PARD3B: variants seen among roughly 807,000 people sequenced by gnomAD.
PARD3B encodes the protein par-3 family cell polarity regulator beta.
A neutral mutation model predicts 130.2 loss-of-function variants in PARD3B; 103 were observed. That is an observed-to-expected ratio of 0.79 (90% CI 0.67 to 0.93). The LOEUF is 0.93. PARD3B is among the 40% of genes least tolerant of loss of function. The pLI, the probability that PARD3B is intolerant of heterozygous loss-of-function variation, is 0.00. For missense variants in PARD3B, 1,609 were observed against 1,499.2 expected, an observed-to-expected ratio of 1.07 and a Z score of -1.21; for synonymous variants, 583 against 553.2, an observed-to-expected ratio of 1.05 and a Z score of -0.76.
intron 18 of PARD3B, among the ~76,000 whole-genome samples, chr2:205,303,399 C>A (rs906949070): frequency 2.0e-5 from 3 of 152,138 alleles, no homozygotes; most frequent in African/African-American, 4.8e-5. Context: ...TCCCACTGAC[C>A]TATTTCCCTA....
At chr2:205,531,047 T>C (rs985915794) in intron 21 of PARD3B, among the ~76,000 whole-genome samples, 1 of 152,200 alleles carries the variant, frequency 6.6e-6, no homozygotes, top group Non-Finnish European at 1.5e-5. Context: ...CTAAACGTGA[T>C]TGCTGTGGAA....
chr2:204,685,223 A>G (rs2037018936), intron 1 of PARD3B, among the ~76,000 whole-genome samples: 2 of 152,142 alleles, frequency 1.3e-5, no homozygotes, highest in Admixed American at 6.6e-5. Context: ...ACAAACTGGT[A>G]TCTGTTCGTT....
chr2:204,930,485 G>T (rs1687951106), intron 2 of PARD3B, among the ~76,000 whole-genome samples: 1 of 151,926 alleles, frequency 6.6e-6, no homozygotes, highest in Non-Finnish European at 1.5e-5. Context: ...GCAATTGGTT[G>T]AATTGATGCA....
chr2:204,785,761 T>C (rs2041986087), intron 2 of PARD3B, among the ~76,000 whole-genome samples: 1 of 152,182 alleles, frequency 6.6e-6, no homozygotes, highest in African/African-American at 2.4e-5. Context: ...TTTACCTTTT[T>C]CCCCCATATT....
At chr2:205,347,057 A>G (rs932538308) in intron 18 of PARD3B, among the ~76,000 whole-genome samples, 3 of 152,128 alleles carry the variant, frequency 2.0e-5, no homozygotes, top group Non-Finnish European at 4.4e-5. Context: ...ATTAAATTTC[A>G]TATTCCTTAT....
At position 205,550,852 on chromosome 2, in the gene PARD3B, A is replaced by G. The variant is rs1417681954; in HGVS notation, c.3181-2472A>G. 1.4e-5 allele frequency among the ~76,000 whole-genome samples: 2 copies of G among 147,456 alleles called. No individual in the cohort carries two copies. The highest frequency in any genetic ancestry group is 3.0e-5 in the Non-Finnish European group (2 of 66,846). On this transcript the variant is annotated intron_variant, in intron 21 of 22. Coordinates refer to ENST00000406610, the MANE Select transcript of PARD3B (RefSeq NM_001302769.2). The surrounding 1 kb of genome is among the most constrained non-coding windows in gnomAD (Gnocchi z 4.5). ...TTTTATGTATATTTGAATATTTTAT[A>G]TGTATATTTGTATGTATATATGTAT...
At chr2:205,323,051 C>T (rs1380570165) in intron 18 of PARD3B, among the ~76,000 whole-genome samples, 2 of 151,184 alleles carry the variant, frequency 1.3e-5, no homozygotes, top group African/African-American at 2.4e-5. Flanking sequence ...GCTGGGACTA[C>T]AGGCGCCCAC....
At chr2:204,690,977 A>G (rs1417612573) in intron 2 of PARD3B, among the ~76,000 whole-genome samples, 2 of 152,118 alleles carry the variant, frequency 1.3e-5, no homozygotes, top group Non-Finnish European at 2.9e-5. Context: ...ATCTTTAAAT[A>G]TCTAATTATG....
Position 204,921,686 on chromosome 2 carries a change from G to A in PARD3B, c.223-43466G>A, listed in dbSNP as rs557165441. 3.3e-5 allele frequency among the ~76,000 whole-genome samples: 5 copies of A among 152,212 alleles called. No individual in the cohort carries two copies. In the South Asian group the frequency reaches 1.0e-3, roughly 32 times the overall value. ...AGAGGTCCTTATTTTATAGACAAGA[G>A]GGAATCTTTTTCTGTTATTGTTGGA... On this transcript the variant is annotated intron_variant, in intron 2 of 22. Coordinates refer to ENST00000406610, the MANE Select transcript of PARD3B (RefSeq NM_001302769.2).
At chr2:205,356,762 G>A (rs1444196910) in intron 18 of PARD3B, among the ~76,000 whole-genome samples, 1 of 151,720 alleles carries the variant, frequency 6.6e-6, no homozygotes, top group Non-Finnish European at 1.5e-5. Flanking sequence ...GTGGTAGCAG[G>A]CACCTGTAAT....
intron 1 of PARD3B, among the ~76,000 whole-genome samples, chr2:204,595,005 A>G (rs2033225349): frequency 6.6e-6 from 1 of 152,170 alleles, no homozygotes; most frequent in Non-Finnish European, 1.5e-5. Flanking sequence ...CCTTAGCATC[A>G]TGGGTCTACT....
chr2:205,364,276 A>T (rs2668152), intron 18 of PARD3B, among the ~76,000 whole-genome samples: 1 of 152,016 alleles, frequency 6.6e-6, no homozygotes, highest in South Asian at 2.1e-4. Context: ...TCCTATATGC[A>T]CTTCCTAGAG....
At chr2:204,898,854 C>T (rs114318919) in intron 2 of PARD3B, among the ~76,000 whole-genome samples, 4,165 of 152,138 alleles carry the variant, frequency 0.027, 191 homozygotes, top group African/African-American at 0.095. Context: ...CCGAATTGAC[C>T]TCTTTATCAT....
intron 1 of PARD3B, among the ~76,000 whole-genome samples, chr2:204,590,281 C>A (rs943473670): frequency 6.6e-6 from 1 of 152,094 alleles, no homozygotes; most frequent in Non-Finnish European, 1.5e-5. Flanking sequence ...AGGGCCCCAT[C>A]CTTATGACTT....
chr2:205,346,471 C>T (rs2043794510), intron 18 of PARD3B, among the ~76,000 whole-genome samples: 1 of 152,098 alleles, frequency 6.6e-6, no homozygotes, highest in African/African-American at 2.4e-5. Flanking sequence ...ATGCCTACAT[C>T]AAAATTGGGA....
chr2:205,477,977 C>T (rs1023939964), intron 20 of PARD3B, among the ~76,000 whole-genome samples: 1 of 152,162 alleles, frequency 6.6e-6, no homozygotes, highest in African/African-American at 2.4e-5. Context: ...ACATCCCAAC[C>T]CAGGGCTAGC....
chr2:205,390,118 A>G (rs2045800399), intron 18 of PARD3B, among the ~76,000 whole-genome samples: 2 of 151,784 alleles, frequency 1.3e-5, no homozygotes, highest in African/African-American at 4.8e-5. Flanking sequence ...TCTACCATGC[A>G]TTAATTATTT....
intron 18 of PARD3B, among the ~76,000 whole-genome samples, chr2:205,302,995 C>T (rs1036544424): frequency 6.6e-6 from 1 of 152,172 alleles, no homozygotes; most frequent in African/African-American, 2.4e-5. Context: ...TTTCTTCTCT[C>T]CCCTTCAAGT....
At chr2:204,974,215 G>A (rs1691945188) in intron 3 of PARD3B, among the ~76,000 whole-genome samples, 1 of 152,090 alleles carries the variant, frequency 6.6e-6, no homozygotes, top group Non-Finnish European at 1.5e-5. Context: ...GTTTTGGTGT[G>A]TAAAATTAGA....
Sources: allele counts gnomAD v4.1 joint callset (sites outside exome capture counted in the v4.1 genomes callset), GRCh38; gene constraint gnomAD v4.1.1; non-coding constraint Gnocchi (gnomAD v3.1); transcripts MANE v1.5; gene names NCBI Gene and HGNC (gene_info 2026-07-23, HGNC 2026-07-21).